Variants in PPP2R5E observed in about 807,000 individuals in gnomAD.
PPP2R5E encodes the protein serine/threonine-protein phosphatase 2A 56 kDa regulatory subunit epsilon isoform.
PPP2R5E carries 4 observed loss-of-function variants against 65.3 expected under a neutral mutation model. That is an observed-to-expected ratio of 0.06 (90% CI 0.03 to 0.14). The LOEUF is 0.14. Among genes scored for constraint, PPP2R5E ranks in the 10% least tolerant of loss-of-function variants. PPP2R5E has a pLI of 1.00. For synonymous variants in PPP2R5E, 183 were observed against 187.4 expected (o/e 0.98, Z 0.19); for missense variants, 274 against 556.1 (o/e 0.49, Z 5.10).
At chr14:63,427,021 T>A (rs966844598) in intron 3 of PPP2R5E, among the ~76,000 whole-genome samples, 3 of 152,252 alleles carry the variant, frequency 2.0e-5, no homozygotes, top group African/African-American at 7.2e-5. Flanking sequence ...AGGTCCTAAA[T>A]AGTAAATTTG....
At chr14:63,393,956 G>T in intron 7 of PPP2R5E, 28 bp from the exon 8 acceptor site, 1 of 1,321,122 alleles carries the variant, frequency 7.6e-7, no homozygotes. Flanking sequence ...ACACAAATTA[G>T]CAATGTTACC....
intron 2 of PPP2R5E, among the ~76,000 whole-genome samples, chr14:63,501,277 C>T (rs541786515): frequency 2.0e-4 from 31 of 151,936 alleles, no homozygotes; most frequent in Admixed American, 1.1e-3. Flanking sequence ...TGGTGGCGAG[C>T]GCCTGTAGTC....
At chr14:63,443,309 G>A (rs1888325473) in intron 3 of PPP2R5E, among the ~76,000 whole-genome samples, 1 of 152,142 alleles carries the variant, frequency 6.6e-6, no homozygotes, top group Non-Finnish European at 1.5e-5. Context: ...ACCATTTGAG[G>A]TATAAGCAGA....
chr14:63,433,023 TTTTG>T (rs1377934405), intron 3 of PPP2R5E, among the ~76,000 whole-genome samples: 1 of 141,052 alleles, frequency 7.1e-6, no homozygotes, highest in African/African-American at 2.9e-5. Context: ...TTGTTTTTTG[TTTTG>T]TTTTGTTTTT....
intron 5 of PPP2R5E, among the ~76,000 whole-genome samples, chr14:63,406,866 T>G (rs1481581097): frequency 2.0e-5 from 3 of 152,186 alleles, no homozygotes; most frequent in African/African-American, 7.2e-5. Context: ...TGGATACCAA[T>G]GATTTTTAGA....
In PPP2R5E at chr14:63,499,573, A is replaced by G. The variant is rs566012799; in HGVS notation, c.157+39956T>C. 1.4e-3 allele frequency among the ~76,000 whole-genome samples: 207 copies of G among 152,174 alleles called. 1 individual carries two copies. Among genetic ancestry groups the G allele is most frequent in the African/African-American group, 4.7e-3 (195 of 41,496 alleles). ...AACCCGTCTCTACTAAAAATGCAAA[A>G]ATTAGCCAGGCGTGGTGGCACTGCG... is the stretch of plus-strand genomic sequence containing the variant. On this transcript the variant is annotated intron_variant, in intron 2 of 13. Coordinates refer to ENST00000337537, the MANE Select transcript of PPP2R5E (RefSeq NM_006246.5).
At chr14:63,511,814 C>T (rs1003123225) in intron 2 of PPP2R5E, among the ~76,000 whole-genome samples, 2 of 152,058 alleles carry the variant, frequency 1.3e-5, no homozygotes, top group African/African-American at 4.8e-5. Flanking sequence ...TGTGATGGCT[C>T]ACGTCTGTAA....
intron 3 of PPP2R5E, among the ~76,000 whole-genome samples, chr14:63,428,005 T>C (rs774812552): frequency 1.3e-5 from 2 of 152,170 alleles, no homozygotes; most frequent in Non-Finnish European, 2.9e-5. Context: ...CTCCCATTTC[T>C]TTTTAACATT....
intron 2 of PPP2R5E, among the ~76,000 whole-genome samples, chr14:63,502,836 T>C (rs1426086103): frequency 6.6e-6 from 1 of 151,990 alleles, no homozygotes; most frequent in Non-Finnish European, 1.5e-5. Flanking sequence ...ATAGTAATAG[T>C]CAATAACTAG....
intron 5 of PPP2R5E, among the ~76,000 whole-genome samples, chr14:63,401,227 AG>A (rs773097469): frequency 1.1e-4 from 17 of 152,004 alleles, no homozygotes; most frequent in African/African-American, 3.9e-4. Flanking sequence ...GGCCAAAACA[AG>A]GGGGGGTAGG....
chr14:63,410,110 T>G (rs912469525), intron 5 of PPP2R5E, among the ~76,000 whole-genome samples: 1 of 152,206 alleles, frequency 6.6e-6, no homozygotes, highest in Non-Finnish European at 1.5e-5. Flanking sequence ...AAAGAACATA[T>G]TCAGCTGCTA....
At chr14:63,454,496 T>C (rs752045920) in intron 2 of PPP2R5E, among the ~76,000 whole-genome samples, 5 of 152,206 alleles carry the variant, frequency 3.3e-5, no homozygotes, top group Non-Finnish European at 7.3e-5. Context: ...GTAAATGCCA[T>C]ATAAATCTAC....
rs199659672 is a variant in PPP2R5E at position 63,489,413 on chromosome 14, T to C, written c.158-35528A>G. Among the ~76,000 whole-genome samples the C allele has an allele frequency of 7.3e-4, 97 of 132,194 alleles. 1 individual carries two copies. Among genetic ancestry groups the C allele is most frequent in the South Asian group, 6.9e-3 (31 of 4,496 alleles). The allele number at this position is 132,194 out of a possible 152,430, so 86.7% of individuals were successfully genotyped here. ...TAATTTTTGTTGTTGTTGTTGTTGTTTTCTTTTTTTTTTTTTGAGACAGAG... is the reference window on the plus strand; with the variant it reads ...TAATTTTTGTTGTTGTTGTTGTTGTCTTCTTTTTTTTTTTTTGAGACAGAG... On this transcript the variant is annotated intron_variant, in intron 2 of 13. Transcript: ENST00000337537.
intron 2 of PPP2R5E, among the ~76,000 whole-genome samples, chr14:63,519,505 T>TA (rs1212035258): frequency 9.6e-5 from 12 of 125,006 alleles, no homozygotes; most frequent in Non-Finnish European, 1.6e-4. Flanking sequence ...CATGCCCAGC[T>TA]AATTTTTTTT....
chr14:63,484,080 CA>C (rs35786223), intron 2 of PPP2R5E, among the ~76,000 whole-genome samples: 46,501 of 134,030 alleles, frequency 0.35, 9,596 homozygotes, highest in African/African-American at 0.62. Flanking sequence ...GAGACTCCAC[CA>C]AAAAAAAAAA....
intron 3 of PPP2R5E, among the ~76,000 whole-genome samples, chr14:63,450,774 C>CA (rs111969964): frequency 0.087 from 7,673 of 88,590 alleles, 525 homozygotes; most frequent in African/African-American, 0.23. Flanking sequence ...TGTGAAAAGA[C>CA]AAAAAAAAAA....
chr14:63,449,474 A>G (rs372673154), intron 3 of PPP2R5E, among the ~76,000 whole-genome samples: 1 of 152,322 alleles, frequency 6.6e-6, no homozygotes, highest in South Asian at 2.1e-4. Context: ...AAAACCCCCC[A>G]AAGACAGGTA....
At chr14:63,479,932 G>A (rs1408184846) in intron 2 of PPP2R5E, among the ~76,000 whole-genome samples, 1 of 152,114 alleles carries the variant, frequency 6.6e-6, no homozygotes, top group East Asian at 1.9e-4. Flanking sequence ...ACCAAAGGTC[G>A]CTACTCAAAT....
At chr14:63,377,365 C>T (rs1223399067) in intron 13 of PPP2R5E, among the ~76,000 whole-genome samples, 1 of 152,002 alleles carries the variant, frequency 6.6e-6, no homozygotes, top group African/African-American at 2.4e-5. Flanking sequence ...AATTCCAATG[C>T]CTCATTTTTT....
Sources: allele counts gnomAD v4.1 joint callset (sites outside exome capture counted in the v4.1 genomes callset), GRCh38; gene constraint gnomAD v4.1.1; transcripts MANE v1.5; gene names NCBI Gene and HGNC (gene_info 2026-07-23, HGNC 2026-07-21).